The following LYG1 variants were observed in gnomAD, a reference collection of about 807,000 sequenced individuals.
LYG1 encodes the protein lysozyme g1.
LYG1 carries 17 observed loss-of-function variants against 21.7 expected under a neutral mutation model. The observed-to-expected ratio is 0.78, with a 90% CI of 0.54 to 1.18. The LOEUF is 1.18. Among genes scored for constraint, LYG1 ranks in the 50% most tolerant of loss-of-function variants. The pLI is 0.00. For missense variants in LYG1, 211 were observed against 238.1 expected (o/e 0.89, Z 0.75); for synonymous variants, 81 against 87.4 (o/e 0.93, Z 0.41).
intron 3 of LYG1, among the ~76,000 whole-genome samples, chr2:99,294,020 C>G (rs984890000): frequency 6.6e-6 from 1 of 152,156 alleles, no homozygotes; most frequent in South Asian, 2.1e-4. Flanking sequence ...CTCCCAGGTT[C>G]AAGCTATCCT....
chr2:99,294,578 A>C (rs1352275787), intron 3 of LYG1, among the ~76,000 whole-genome samples: 1 of 152,152 alleles, frequency 6.6e-6, no homozygotes, highest in East Asian at 1.9e-4. Flanking sequence ...TTAGTACTGC[A>C]GTTGGTTTTA....
chr2:99,287,294 A>G (rs1443236230), intron 5 of LYG1, among the ~76,000 whole-genome samples: 1 of 152,194 alleles, frequency 6.6e-6, no homozygotes, highest in African/African-American at 2.4e-5. Context: ...CAAATACCAC[A>G]TGTTCTCACT....
At chr2:99,301,423 A>AGG (rs1199891263), upstream of LYG1, among the ~76,000 whole-genome samples, 1 of 144,978 alleles carries the variant, frequency 6.9e-6, no homozygotes, top group Non-Finnish European at 1.5e-5. Flanking sequence ...GAGAGTGAGA[A>AGG]GGAGAGAGAG....
intron 5 of LYG1, among the ~76,000 whole-genome samples, chr2:99,287,690 GTTAC>G (rs1397009410): frequency 6.6e-6 from 1 of 151,768 alleles, no homozygotes; most frequent in Non-Finnish European, 1.5e-5. Context: ...TAACCTAAGA[GTTAC>G]TTAGTGTTGT....
chr2:99,291,465 T>C (rs779719780), intron 4 of LYG1, 44 bp from the exon 5 acceptor site: 15 of 1,590,016 alleles, frequency 9.4e-6, no homozygotes, highest in East Asian at 2.2e-5. Context: ...TTGTGACTTA[T>C]GCTGCAACAG....
intron 6 of LYG1, 64 bp downstream of exon 6, chr2:99,284,624 A>G (rs1207338801): frequency 1.3e-6 from 2 of 1,596,012 alleles, no homozygotes; most frequent in Non-Finnish European, 1.7e-6. Flanking sequence ...ATCTGGTGCA[A>G]TGTATTATAT....
intron 5 of LYG1, 88 bp from the exon 6 acceptor site, chr2:99,284,908 C>T (rs765284327): frequency 6.6e-7 from 1 of 1,515,574 alleles, no homozygotes; most frequent in Non-Finnish European, 9.0e-7. Context: ...TGTTCATTTC[C>T]TGTCTCTTGT....
rs569444805 is a variant in LYG1, at chr2:99,284,249, A to G, written c.*144T>C. ...CTACATATTATAAATGCAGGTCAAA[A>G]TTCTTCCTTTAATGTGATTCATGTT... On this transcript the variant is annotated 3_prime_UTR_variant, in exon 7 of 7. Transcript: ENST00000308528. 4.2e-6 allele frequency: 3 copies of G among 708,442 alleles called. No homozygotes were observed. Among genetic ancestry groups the G allele is most frequent in the Non-Finnish European group, 7.3e-6 (3 of 409,806 alleles). The allele number at this position is 708,442 out of a possible 1,614,324, so 43.9% of individuals were successfully genotyped here.
intron 4 of LYG1, 63 bp downstream of exon 4, chr2:99,292,473 C>T (rs1433329142): frequency 2.4e-5 from 29 of 1,220,038 alleles, no homozygotes; most frequent in Non-Finnish European, 3.4e-5. Context: ...CACTCAGTAG[C>T]GTGAGGCATG....
At chr2:99,289,857 TG>T (rs1395953682) in intron 5 of LYG1, among the ~76,000 whole-genome samples, 16 of 151,824 alleles carry the variant, frequency 1.1e-4, no homozygotes, top group African/African-American at 3.9e-4. Flanking sequence ...TTGTTGTTGT[TG>T]TTGTTGTTGT....
intron 2 of LYG1, among the ~76,000 whole-genome samples, chr2:99,297,337 T>C (rs1440622012): frequency 6.6e-6 from 1 of 152,110 alleles, no homozygotes; most frequent in Admixed American, 6.5e-5. Flanking sequence ...GCTGCTTGGG[T>C]ATAGGAAAAG....
intron 1 of LYG1, among the ~76,000 whole-genome samples, chr2:99,299,025 G>A (rs1378781953): frequency 6.6e-6 from 1 of 151,870 alleles, no homozygotes; most frequent in African/African-American, 2.4e-5. Flanking sequence ...TCCGCCTCTT[G>A]AATTCAAGTG....
intron 5 of LYG1, among the ~76,000 whole-genome samples, chr2:99,285,504 GA>G (rs954737326): frequency 1.3e-4 from 20 of 152,064 alleles, no homozygotes; most frequent in African/African-American, 4.6e-4. Flanking sequence ...TTGTAAGAGT[GA>G]AAAAAAAGCA....
upstream of LYG1, among the ~76,000 whole-genome samples, chr2:99,303,209 T>G (rs1319401425): frequency 6.6e-6 from 1 of 151,732 alleles, no homozygotes; most frequent in Non-Finnish European, 1.5e-5. Context: ...AGAGAACTAA[T>G]GCACCCATTA....
chr2:99,284,835 G>A lies in LYG1; in HGVS notation c.334-15C>T, dbSNP rs371073959. ...GAGCCAGGGTCCTGCAGGGAAGGAG[G>A]CAGAGAAGAAGCCACGTAAGCTGGG... On this transcript the variant is annotated splice_polypyrimidine_tract_variant and intron_variant, in intron 5 of 6. Coordinates refer to ENST00000308528, the MANE Select transcript of LYG1 (RefSeq NM_174898.3). The A allele has an allele frequency of 7.4e-6, 12 of 1,611,368 alleles. No individual in the cohort carries two copies. The African/African-American group carries it at 1.5e-4, about 20-fold the overall frequency.
Position 99,284,827 on chromosome 2 carries a change from G to C in LYG1, c.334-7C>G. The C allele has an allele frequency of 6.2e-7, 1 of 1,612,038 alleles. No individual in the cohort carries two copies. The highest frequency in any genetic ancestry group is 1.3e-5 in the African/African-American group (1 of 74,956). On this transcript the variant is annotated splice_region_variant and splice_polypyrimidine_tract_variant and intron_variant, in intron 5 of 6. Transcript: ENST00000308528. ...GAGCTTGAGAGCCAGGGTCCTGCAG[G>C]GAAGGAGGCAGAGAAGAAGCCACGT...
chr2:99,289,898 G>A (rs977819736), intron 5 of LYG1, among the ~76,000 whole-genome samples: 4 of 151,682 alleles, frequency 2.6e-5, no homozygotes, highest in East Asian at 3.9e-4. Flanking sequence ...TCGCTCTCTC[G>A]CCCAGGCTGG....
At chr2:99,295,494 C>A (rs112492869) in intron 3 of LYG1, 134 bp downstream of exon 3, 2 of 1,105,458 alleles carry the variant, frequency 1.8e-6, no homozygotes, top group Admixed American at 1.9e-5. Flanking sequence ...CTGTTCCTAA[C>A]TCCAGGATTT....
At chr2:99,301,721 A>AAC (rs972220210), upstream of LYG1, among the ~76,000 whole-genome samples, 11 of 150,256 alleles carry the variant, frequency 7.3e-5, no homozygotes, top group Admixed American at 3.3e-4. Context: ...GTGTTCCAAA[A>AAC]AAAAAACTTT....
Sources: allele counts gnomAD v4.1 joint callset (sites outside exome capture counted in the v4.1 genomes callset), GRCh38; gene constraint gnomAD v4.1.1; transcripts MANE v1.5; gene names NCBI Gene and HGNC (gene_info 2026-07-23, HGNC 2026-07-21).